ZNF561: variants seen among roughly 807,000 people sequenced by gnomAD.
ZNF561 encodes the protein zinc finger protein 561.
A neutral mutation model predicts 16.7 loss-of-function variants in ZNF561; 16 were observed. That is an observed-to-expected ratio of 0.96 (90% confidence interval 0.65 to 1.45). The LOEUF is 1.45. ZNF561 is among the 40% of genes most tolerant of loss of function. The pLI is 0.00. For synonymous variants in ZNF561, 190 were observed against 192.1 expected (o/e 0.99, Z 0.09); for missense variants, 580 against 578.0 (o/e 1.00, Z -0.04).
At chr19:9,616,975 C>T in intron 4 of ZNF561, 70 bp downstream of exon 4, 1 of 1,514,042 alleles carries the variant, frequency 6.6e-7, no homozygotes, top group Non-Finnish European at 8.9e-7. Context: ...GATTCTCCCA[C>T]CTCAGCCTCC....
chr19:9,610,783 G>A lies in ZNF561; in HGVS notation c.878C>T (p.Ser293Phe). ...TTGAATGTGATCATTAAGGCATGAG[G>A]AATTTCTAAAGGATCTTCCACATTC... ...CKECGRSFRN[S>F]SCLNDHIQIH... is the part of the protein sequence containing the mutation. The change falls in exon 6 of 6, where the codon TCC becomes TTC. Residue 293 changes from serine to phenylalanine, a missense_variant. Physicochemically the swap from Ser to Phe is radical, Grantham distance 155. Transcript: ENST00000302851. 1 of 1,614,078 alleles carries A rather than the reference G, an allele frequency of 6.2e-7. No homozygotes were observed.
rs1321314803 is a variant in ZNF561 at position 9,617,990 on chromosome 19, T to C, written c.114+101A>G. On this transcript the variant is annotated intron_variant, in intron 3 of 5. Coordinates refer to ENST00000302851, the MANE Select transcript of ZNF561 (RefSeq NM_152289.3). ...CTCAGTCCTTGAGTAAGGCTTCATT[T>C]GCTCTAAGAAAACTCTGAAGATGAG... is the stretch of plus-strand genomic sequence containing the variant. 5 of 1,128,616 alleles carry C rather than the reference T, an allele frequency of 4.4e-6. No homozygotes were observed. In the African/African-American group the frequency reaches 7.8e-5, roughly 18 times the overall value. 69.9% of individuals were successfully genotyped at this position (1,128,616 alleles called of 1,614,324 possible). A position where few individuals can be genotyped will look rare whatever the true frequency, so the allele number is the denominator to read the frequency against.
In ZNF561 at chr19:9,617,163, C is replaced by T. The variant is rs543411795; in HGVS notation, c.123G>A (p.Val41=). ...DYLASGYQDS[V]TFDDVAVDFT... is the part of the protein sequence containing the mutation. ...AGTCCACAGCCACATCATCAAACGT[C>T]ACTGAATCCTATGTCATCATACACA... Residue 41 remains valine (V), a synonymous_variant, in exon 4 of 6, where the codon GTG becomes GTA. Transcript: ENST00000302851. The T allele has an allele frequency of 8.7e-6, 14 of 1,612,772 alleles. No individual in the cohort carries two copies. In the African/African-American group the frequency reaches 1.3e-4, roughly 15 times the overall value.
At chr19:9,613,850 C>T (rs538177286) in intron 5 of ZNF561, among the ~76,000 whole-genome samples, 171 bp downstream of exon 5, 1 of 152,242 alleles carries the variant, frequency 6.6e-6, no homozygotes, top group Non-Finnish European at 1.5e-5. Flanking sequence ...TCTTACTATA[C>T]TGCCTAGGCT....
chr19:9,618,377 T>A (rs1166898741), intron 2 of ZNF561, among the ~76,000 whole-genome samples, 198 bp from the exon 3 acceptor site: 1 of 152,144 alleles, frequency 6.6e-6, no homozygotes, highest in Non-Finnish European at 1.5e-5. Context: ...TGGGCCAAAC[T>A]GCCTGTTGGG....
Position 9,610,258 on chromosome 19 carries a change from T to C in ZNF561, c.1403A>G (p.Glu468Gly). The C allele has an allele frequency of 6.2e-7, 1 of 1,613,340 alleles. No homozygotes were observed. The change falls in exon 6 of 6, where the codon GAA becomes GGA. Residue 468 changes from glutamate to glycine, a missense_variant. Glu to Gly is a moderately conservative substitution (Grantham distance 98, BLOSUM62 -2). Coordinates refer to ENST00000302851, the MANE Select transcript of ZNF561 (RefSeq NM_152289.3). ...FAVSSRLSRH[E>G]RIHTGEKPYE... Reference sequence around the variant, plus strand: ...GGGTTTCTCCCCAGTGTGAATTCTTTCATGTCTACTTAGGCGTGAGGAAAC... The same window carrying C: ...GGGTTTCTCCCCAGTGTGAATTCTTCCATGTCTACTTAGGCGTGAGGAAAC...
chr19:9,609,329 C>A lies in ZNF561; in HGVS notation c.*871G>T, dbSNP rs1277547215. On this transcript the variant is annotated 3_prime_UTR_variant, in exon 6 of 6. Transcript: ENST00000302851. ...TATTTCTGTGTCTTTGTCTTAATTC[C>A]TCTAGAGCTGCTGGGTCAGGGTCTC... is the stretch of plus-strand genomic sequence containing the variant. The A allele has an allele frequency of 1.3e-5, 2 of 152,272 alleles. No homozygotes were observed. Among genetic ancestry groups the A allele is most frequent in the Middle Eastern group, 3.4e-3 (1 of 294 alleles). 9.4% of individuals were successfully genotyped at this position (152,272 alleles called of 1,614,324 possible).
At chr19:9,614,645 A>G (rs182490664) in intron 4 of ZNF561, among the ~76,000 whole-genome samples, 128 of 152,202 alleles carry the variant, frequency 8.4e-4, no homozygotes, top group African/African-American at 2.9e-3. Flanking sequence ...GAAAGAGTAG[A>G]TTTTCGGGAA....
At position 9,610,329 on chromosome 19, in the gene ZNF561, G is replaced by T; in HGVS notation, c.1332C>A (p.Thr444=). Residue 444 remains threonine (T), a synonymous_variant, in exon 6 of 6, where the codon ACC becomes ACA. Coordinates refer to ENST00000302851, the MANE Select transcript of ZNF561 (RefSeq NM_152289.3). ...CTTTACATACGAAGGGTTTCTCTCC[G>T]GTATGAGTTCGCAGGTGAACATTAA... is the stretch of plus-strand genomic sequence containing the variant. ...SRLNVHLRTH[T]GEKPFVCKEC... 2 of 1,613,988 alleles carry T rather than the reference G, an allele frequency of 1.2e-6. No individual in the cohort carries two copies. Among genetic ancestry groups the T allele is most frequent in the Non-Finnish European group, 1.7e-6 (2 of 1,179,988 alleles).
Position 9,609,784 on chromosome 19 carries a change from AG to A in ZNF561, c.*415del, listed in dbSNP as rs2074413005. ...CACGCTCTGCAGGATCCGTGGGATC[AG>A]AAGAGACCCTTGGAGGAGCATCTCT... On this transcript the variant is annotated 3_prime_UTR_variant, in exon 6 of 6. Transcript: ENST00000302851. 1 of 161,216 alleles carries A rather than the reference AG, an allele frequency of 6.2e-6. No individual in the cohort carries two copies. Among genetic ancestry groups the A allele is most frequent in the Non-Finnish European group, 1.4e-5 (1 of 73,022 alleles). The allele number at this position is 161,216 out of a possible 1,614,324, so 10.0% of individuals were successfully genotyped here. A position where few individuals can be genotyped will look rare whatever the true frequency, so the allele number is the denominator to read the frequency against.
chr19:9,614,088 G>A lies in ZNF561; in HGVS notation c.257C>T (p.Pro86Leu). The A allele has an allele frequency of 1.2e-6, 2 of 1,614,036 alleles. No homozygotes were observed. Among genetic ancestry groups the A allele is most frequent in the Non-Finnish European group, 1.7e-6 (2 of 1,179,980 alleles). The change falls in exon 5 of 6, where the codon CCT becomes CTT. Residue 86 changes from proline to leucine, a missense_variant. Physicochemically the swap from Pro to Leu is moderately conservative, Grantham distance 98. Transcript: ENST00000302851. ...CTGAAGTGATGACCGTTTGGTTCTA[G>A]GTTGTATTTCCCATTCTAAAGTTAA... ...NLASVEWEIQ[P>L]RTKRSSLQQG...
chr19:9,616,248 G>C (rs2074551323), intron 4 of ZNF561, among the ~76,000 whole-genome samples: 1 of 152,020 alleles, frequency 6.6e-6, no homozygotes, highest in African/African-American at 2.4e-5. Flanking sequence ...CCCTATAACA[G>C]GCTACAAGAA....
intron 5 of ZNF561, among the ~76,000 whole-genome samples, chr19:9,612,466 C>G (rs1005964966): frequency 6.6e-6 from 1 of 152,150 alleles, no homozygotes; most frequent in Admixed American, 6.5e-5. Context: ...GATCTGCCTG[C>G]CTCAACCTCC....
At position 9,609,685 on chromosome 19, in the gene ZNF561, TAGATTTTACAA is replaced by T. The variant is rs2074411351; in HGVS notation, c.*504_*514del. On this transcript the variant is annotated 3_prime_UTR_variant, in exon 6 of 6. Transcript: ENST00000302851. ...GAACAGGCAAGGCTGTCACACTTCTTAGATTTTACAAGGGGACACAGAAATAATCAGCTGTG... is the reference window on the plus strand; with the variant it reads ...GAACAGGCAAGGCTGTCACACTTCTTGGGGACACAGAAATAATCAGCTGTG... The T allele has an allele frequency of 6.5e-6, 1 of 154,048 alleles. No homozygotes were observed. Among genetic ancestry groups the T allele is most frequent in the Non-Finnish European group, 1.4e-5 (1 of 69,316 alleles). The allele number at this position is 154,048 out of a possible 1,614,324, so 9.5% of individuals were successfully genotyped here.
intron 1 of ZNF561, among the ~76,000 whole-genome samples, chr19:9,620,023 G>C (rs1262753614): frequency 6.6e-6 from 1 of 151,714 alleles, no homozygotes; most frequent in Non-Finnish European, 1.5e-5. Context: ...AGACTTCCCG[G>C]GCTCAAGTGA....
Position 9,609,864 on chromosome 19 carries a change from A to G in ZNF561, c.*336T>C. 1 of 193,308 alleles carries G rather than the reference A, an allele frequency of 5.2e-6. No homozygotes were observed. The highest frequency in any genetic ancestry group is 1.1e-5 in the Non-Finnish European group (1 of 92,936). 12.0% of individuals were successfully genotyped at this position (193,308 alleles called of 1,614,324 possible). A position where few individuals can be genotyped will look rare whatever the true frequency, so the allele number is the denominator to read the frequency against. ...ATCTTGGCTTCTGGTAAATTTTGAC[A>G]TAAATGTGCCACACTGGCAGCCACT... On this transcript the variant is annotated 3_prime_UTR_variant, in exon 6 of 6. Coordinates refer to ENST00000302851, the MANE Select transcript of ZNF561 (RefSeq NM_152289.3).
chr19:9,618,251 A>G (rs2074595024), intron 2 of ZNF561, 72 bp from the exon 3 acceptor site: 1 of 1,378,374 alleles, frequency 7.3e-7, no homozygotes, highest in East Asian at 2.5e-5. Context: ...CCTAGAAGTC[A>G]TTCCATCCTA....
At position 9,611,176 on chromosome 19, in the gene ZNF561, G is replaced by A; in HGVS notation, c.485C>T (p.Ala162Val). 6.2e-7 allele frequency: 1 copy of A among 1,613,932 alleles called. No homozygotes were observed. Among genetic ancestry groups the A allele is most frequent in the Non-Finnish European group, 8.5e-7 (1 of 1,179,856 alleles). The change falls in exon 6 of 6, where the codon GCC becomes GTC. Residue 162 changes from alanine (A) to valine (V), a missense_variant. Coordinates refer to ENST00000302851, the MANE Select transcript of ZNF561 (RefSeq NM_152289.3). ...TTTGGAAAGTTCCTGTCCAGTAGAG[G>A]CTTCCTTGTGCACACTGAGGGTGTC... is the stretch of plus-strand genomic sequence containing the variant. Reference protein sequence around the residue: ...GKDTLSVHKEASTGQELSKFN... With the variant: ...GKDTLSVHKEVSTGQELSKFN...
At position 9,610,711 on chromosome 19, in the gene ZNF561, G is replaced by C. The variant is rs1256474975; in HGVS notation, c.950C>G (p.Ala317Gly). The C allele has an allele frequency of 6.2e-7, 1 of 1,614,014 alleles. No individual in the cohort carries two copies. Among genetic ancestry groups the C allele is most frequent in the Non-Finnish European group, 8.5e-7 (1 of 1,180,022 alleles). The change falls in exon 6 of 6, where the codon GCC becomes GGC. Residue 317 changes from alanine (A) to glycine (G), a missense_variant. Ala to Gly is a moderately conservative substitution (Grantham distance 60). Transcript: ENST00000302851. ...AGTAAGTTGAGTTGATCTAGTGAAG[G>C]CTTTCCCACAGTAAGTACACTTGTG... ...KPHKCTYCGK[A>G]FTRSTQLTEH...
Sources: gnomAD v4.1 joint callset for allele counts (sites outside exome capture counted in the v4.1 genomes callset) on GRCh38, gnomAD v4.1.1 for gene constraint, MANE v1.5 for transcripts, NCBI Gene and HGNC (gene_info 2026-07-23, HGNC 2026-07-21) for gene names.